The following ERBB4 variants were observed in gnomAD, a reference collection of about 807,000 sequenced individuals.
The protein encoded by ERBB4 is erb-b2 receptor tyrosine kinase 4, also known as receptor tyrosine-protein kinase erbB-4.
ERBB4 carries 42 observed loss-of-function variants against 158.0 expected under a neutral mutation model. That is an observed-to-expected ratio of 0.27 (90% CI 0.21 to 0.34). The LOEUF (loss-of-function observed/expected upper bound fraction) is 0.34, where lower values mean the gene tolerates loss of function less well. Among genes scored for constraint, ERBB4 ranks in the 10% least tolerant of loss-of-function variants. The pLI, the probability that ERBB4 is intolerant of heterozygous loss-of-function variation, is 1.00. For missense variants in ERBB4, 1,333 were observed against 1,624.1 expected (o/e 0.82, Z 3.08); for synonymous variants, 583 against 558.7 (o/e 1.04, Z -0.61).
chr2:211,422,110 A>AATT lies in ERBB4; in HGVS notation c.2867-9_2867-7dup. On this transcript the variant is annotated splice_polypyrimidine_tract_variant and splice_region_variant and intron_variant, in intron 23 of 27. Transcript: ENST00000342788. ...GTCAGCATCAATCATCCAACCTGGA[A>AATT]ATTTACACAGTGAAAATGTCACTAT... The AATT allele has an allele frequency of 6.4e-7, 1 of 1,570,574 alleles. No homozygotes were observed. The highest frequency in any genetic ancestry group is 8.8e-7 in the Non-Finnish European group (1 of 1,140,588).
intron 1 of ERBB4, among the ~76,000 whole-genome samples, chr2:212,325,184 C>A (rs539170757): frequency 6.6e-6 from 1 of 150,660 alleles, no homozygotes; most frequent in Non-Finnish European, 1.5e-5. Flanking sequence ...AATATACTTT[C>A]TCCTGTTTAA....
At chr2:212,004,984 GC>G (rs1315656103) in intron 2 of ERBB4, among the ~76,000 whole-genome samples, 2 of 151,822 alleles carry the variant, frequency 1.3e-5, no homozygotes, top group Non-Finnish European at 2.9e-5. Context: ...TCCTTCATTT[GC>G]ATATTGGCTA....
Position 211,665,306 on chromosome 2 carries a change from C to A in ERBB4, c.1871+17G>T, listed in dbSNP as rs762581647. On this transcript the variant is annotated intron_variant, in intron 15 of 27. Coordinates refer to ENST00000342788, the MANE Select transcript of ERBB4 (RefSeq NM_005235.3). ...TAACACATACCAGGTGAGCCCTTGGCCAGCAAGAATGCTTACCCTTGGGTG... is the reference window on the plus strand; with the variant it reads ...TAACACATACCAGGTGAGCCCTTGGACAGCAAGAATGCTTACCCTTGGGTG... 18 of 1,613,634 alleles carry A rather than the reference C, an allele frequency of 1.1e-5. No individual in the cohort carries two copies. The South Asian group carries it at 1.5e-4, about 14-fold the overall frequency.
intron 1 of ERBB4, among the ~76,000 whole-genome samples, chr2:212,484,761 C>T (rs1689888533): frequency 6.6e-6 from 1 of 152,322 alleles, no homozygotes; most frequent in Non-Finnish European, 1.5e-5. Flanking sequence ...ACACGACCCA[C>T]ACGCCTCAAG....
intron 1 of ERBB4, among the ~76,000 whole-genome samples, chr2:212,187,825 A>G (rs1299426777): frequency 6.6e-6 from 1 of 152,148 alleles, no homozygotes; most frequent in Non-Finnish European, 1.5e-5. Context: ...GTGATCTTCA[A>G]AGTGAAATAT....
chr2:212,099,768 T>C (rs1470308221), intron 2 of ERBB4, among the ~76,000 whole-genome samples: 1 of 151,770 alleles, frequency 6.6e-6, no homozygotes, highest in Non-Finnish European at 1.5e-5. Flanking sequence ...GATGACATTA[T>C]CTAATTATAT....
rs981964697 is a variant in ERBB4, at chr2:212,237,152, A to C, written c.83-112249T>G. ...AACACTCCTCCTTTGGAGGAGAAGA[A>C]ATATTATCACTTTTGGAATTTTCAG... is the stretch of plus-strand genomic sequence containing the variant. On this transcript the variant is annotated intron_variant, in intron 1 of 27. Transcript: ENST00000342788. 5.3e-5 allele frequency among the ~76,000 whole-genome samples: 8 copies of C among 152,054 alleles called. 1 individual carries two copies. In the East Asian group the frequency reaches 1.5e-3, roughly 29 times the overall value.
intron 1 of ERBB4, among the ~76,000 whole-genome samples, chr2:212,165,097 C>T (rs1432463842): frequency 6.6e-6 from 1 of 151,910 alleles, no homozygotes; most frequent in Non-Finnish European, 1.5e-5. Flanking sequence ...ATCCGTCCCT[C>T]CTGTCTTGTT....
chr2:212,447,313 A>G (rs2092376425), intron 1 of ERBB4, among the ~76,000 whole-genome samples: 1 of 152,098 alleles, frequency 6.6e-6, no homozygotes, highest in African/African-American at 2.4e-5. Flanking sequence ...AAATTTTTCA[A>G]AAGGTGAAAA....
intron 1 of ERBB4, among the ~76,000 whole-genome samples, chr2:212,479,171 C>A: frequency 6.6e-6 from 1 of 152,082 alleles, no homozygotes; most frequent in East Asian, 1.9e-4. Context: ...TCATTCTTAT[C>A]ATAAAGGAAC....
chr2:212,008,133 T>C (rs567731516), intron 2 of ERBB4, among the ~76,000 whole-genome samples: 25 of 152,230 alleles, frequency 1.6e-4, no homozygotes, highest in Non-Finnish European at 2.4e-4. Flanking sequence ...TTTTTGCAAC[T>C]ATGCAAATGA....
intron 12 of ERBB4, among the ~76,000 whole-genome samples, chr2:211,692,912 A>G (rs1422497779): frequency 6.6e-6 from 1 of 152,206 alleles, no homozygotes; most frequent in African/African-American, 2.4e-5. Context: ...ACATGTGTAA[A>G]GTGTAATGAC....
intron 1 of ERBB4, among the ~76,000 whole-genome samples, chr2:212,297,543 A>G (rs990174684): frequency 6.6e-6 from 1 of 151,940 alleles, no homozygotes; most frequent in Non-Finnish European, 1.5e-5. Context: ...TAATATATCT[A>G]AAGCTAATAT....
At chr2:212,470,494 T>C (rs73989011) in intron 1 of ERBB4, among the ~76,000 whole-genome samples, 8,941 of 152,182 alleles carry the variant, frequency 0.059, 598 homozygotes, top group African/African-American at 0.16. Context: ...GTTTTCCAAA[T>C]TGGAATTAAG....
chr2:212,244,304 G>A (rs762347833), intron 1 of ERBB4, among the ~76,000 whole-genome samples: 19 of 152,032 alleles, frequency 1.2e-4, no homozygotes, highest in Admixed American at 3.3e-4. Context: ...AAGGCAACAC[G>A]GAGGAAGTCT....
chr2:211,814,628 A>G (rs1176919353), intron 3 of ERBB4, among the ~76,000 whole-genome samples: 1 of 152,154 alleles, frequency 6.6e-6, no homozygotes, highest in East Asian at 1.9e-4. Context: ...ACAGATAAAA[A>G]GTCACTACCA....
chr2:212,342,358 A>G (rs2088764008), intron 1 of ERBB4, among the ~76,000 whole-genome samples: 1 of 152,124 alleles, frequency 6.6e-6, no homozygotes, highest in African/African-American at 2.4e-5. Flanking sequence ...TGTTCTCATG[A>G]AAGTGAATAA....
intron 1 of ERBB4, among the ~76,000 whole-genome samples, chr2:212,200,486 C>T (rs1475981455): frequency 6.6e-6 from 1 of 151,922 alleles, no homozygotes; most frequent in Non-Finnish European, 1.5e-5. Flanking sequence ...AACAGGAAAG[C>T]TGTATTAATT....
chr2:211,966,977 C>T (rs2081326529), intron 2 of ERBB4, among the ~76,000 whole-genome samples: 1 of 152,004 alleles, frequency 6.6e-6, no homozygotes, highest in African/African-American at 2.4e-5. Context: ...CAGTGCCTAA[C>T]GTTATACTTT....
Sources: allele counts gnomAD v4.1 joint callset (sites outside exome capture counted in the v4.1 genomes callset), GRCh38; gene constraint gnomAD v4.1.1; transcripts MANE v1.5; gene names NCBI Gene and HGNC (gene_info 2026-07-23, HGNC 2026-07-21).